FGF12: variants seen among roughly 807,000 people sequenced by gnomAD.
FGF12 encodes fibroblast growth factor 12.
Under a neutral mutation model 23.6 loss-of-function variants are expected in FGF12, and 14 were observed. The observed-to-expected ratio is 0.59, with a 90% CI of 0.39 to 0.93. The LOEUF (loss-of-function observed/expected upper bound fraction) is 0.93, where lower values mean the gene tolerates loss of function less well. Ranked by LOEUF, FGF12 falls within the 40% of genes least tolerant of loss-of-function variation. The pLI is 0.00. For missense variants in FGF12, 175 were observed against 217.8 expected (o/e 0.80, Z 1.24); for synonymous variants, 62 against 77.3 (o/e 0.80, Z 1.04).
At chr3:192,470,270 G>GA (rs1723132591) in intron 2 of FGF12, among the ~76,000 whole-genome samples, 1 of 152,138 alleles carries the variant, frequency 6.6e-6, no homozygotes, top group Admixed American at 6.5e-5. Flanking sequence ...CAGCACTGAA[G>GA]ATATTTTAAT....
intron 2 of FGF12, among the ~76,000 whole-genome samples, chr3:192,501,083 G>C (rs139259074): frequency 2.0e-5 from 3 of 152,070 alleles, no homozygotes; most frequent in Non-Finnish European, 2.9e-5. Flanking sequence ...GATGCAGAGA[G>C]ATAAGTAAAG....
chr3:192,470,935 T>C (rs1407594915), intron 2 of FGF12, among the ~76,000 whole-genome samples: 1 of 152,182 alleles, frequency 6.6e-6, no homozygotes, highest in East Asian at 1.9e-4. Context: ...CGGCTTCTCA[T>C]CAAATGGCAC....
At chr3:192,694,854 G>T (rs776690015) in intron 2 of FGF12, among the ~76,000 whole-genome samples, 16 of 151,964 alleles carry the variant, frequency 1.1e-4, no homozygotes, top group Non-Finnish European at 2.1e-4. Flanking sequence ...AGAGAGGAAT[G>T]CTGGTTACCA....
intron 2 of FGF12, among the ~76,000 whole-genome samples, chr3:192,666,062 G>C (rs527293289): frequency 6.6e-6 from 1 of 152,236 alleles, no homozygotes; most frequent in South Asian, 2.1e-4. Flanking sequence ...TGAAGTAGAA[G>C]AGAGAAAGAT....
chr3:192,624,510 T>A (rs1249010769), intron 2 of FGF12, among the ~76,000 whole-genome samples: 1 of 152,064 alleles, frequency 6.6e-6, no homozygotes, highest in Non-Finnish European at 1.5e-5. Context: ...TAGGTGTTCA[T>A]TTATATTTTT....
At chr3:192,145,361 AT>A (rs1225406898) in intron 5 of FGF12, among the ~76,000 whole-genome samples, 1 of 152,214 alleles carries the variant, frequency 6.6e-6, no homozygotes, top group African/African-American at 2.4e-5. Context: ...CTAAAACAGA[AT>A]TTAGAATACA....
intron 2 of FGF12, among the ~76,000 whole-genome samples, chr3:192,649,567 T>G (rs1258290387): frequency 1.3e-5 from 2 of 152,118 alleles, no homozygotes; most frequent in Admixed American, 6.6e-5. Flanking sequence ...TATTTATTTA[T>G]TATTTTTTAA....
intron 2 of FGF12, among the ~76,000 whole-genome samples, chr3:192,610,315 T>C (rs1324371669): frequency 2.0e-5 from 3 of 152,016 alleles, no homozygotes; most frequent in East Asian, 1.9e-4. Context: ...TTATTGTACA[T>C]TGTCTGCAAT....
chr3:192,465,715 C>G (rs1056378614), intron 2 of FGF12, among the ~76,000 whole-genome samples: 4 of 152,194 alleles, frequency 2.6e-5, no homozygotes, highest in African/African-American at 9.6e-5. Flanking sequence ...CCCCGACCCC[C>G]ACTCCCAAGT....
At chr3:192,670,333 AT>A (rs1244926869) in intron 2 of FGF12, among the ~76,000 whole-genome samples, 1 of 152,126 alleles carries the variant, frequency 6.6e-6, no homozygotes, top group Non-Finnish European at 1.5e-5. Context: ...GTAAATAACT[AT>A]TTTTGCATTC....
At chr3:192,504,341 G>C (rs1560132257) in intron 2 of FGF12, among the ~76,000 whole-genome samples, 1 of 152,020 alleles carries the variant, frequency 6.6e-6, no homozygotes, top group East Asian at 1.9e-4. Flanking sequence ...GAACCTAAAA[G>C]AAAAGTGAAA....
At chr3:192,614,676 A>T (rs1045731607) in intron 2 of FGF12, among the ~76,000 whole-genome samples, 10 of 152,004 alleles carry the variant, frequency 6.6e-5, no homozygotes, top group African/African-American at 2.2e-4. Context: ...AAAAGGAAAC[A>T]TTTCTGAAGG....
intron 2 of FGF12, among the ~76,000 whole-genome samples, chr3:192,525,295 T>A (rs969494433): frequency 3.3e-5 from 5 of 152,128 alleles, no homozygotes; most frequent in East Asian, 1.9e-4. Context: ...TTCAAAAAAA[T>A]AATAATAATA....
intron 3 of FGF12, among the ~76,000 whole-genome samples, chr3:192,350,208 A>G (rs895290385): frequency 1.3e-5 from 2 of 152,166 alleles, no homozygotes; most frequent in Non-Finnish European, 2.9e-5. Context: ...TACAGATGAA[A>G]CAGCATAAAA....
rs1713251465 is a variant in FGF12, at chr3:192,139,574, A to G, written c.*4435T>C. 6.6e-6 allele frequency: 1 copy of G among 152,130 alleles called. No homozygotes were observed. The highest frequency in any genetic ancestry group is 2.4e-5 in the African/African-American group (1 of 41,468). 9.4% of individuals were successfully genotyped at this position (152,130 alleles called of 1,614,324 possible). On this transcript the variant is annotated 3_prime_UTR_variant, in exon 6 of 6. Transcript: ENST00000445105. Reference sequence around the variant, plus strand: ...TGGACTTTTTGAACAATTTTAAGTAAAATGAATGTCACTGTCTTTAAATTG... The same window carrying G: ...TGGACTTTTTGAACAATTTTAAGTAGAATGAATGTCACTGTCTTTAAATTG...
chr3:192,431,665 C>T (rs1040325650), intron 2 of FGF12, among the ~76,000 whole-genome samples: 1 of 152,142 alleles, frequency 6.6e-6, no homozygotes, highest in Non-Finnish European at 1.5e-5. Context: ...AAGTACCAAG[C>T]GTTTCTCCAA....
intron 2 of FGF12, among the ~76,000 whole-genome samples, chr3:192,375,416 G>A (rs1012095412): frequency 4.0e-5 from 6 of 151,676 alleles, no homozygotes; most frequent in Non-Finnish European, 8.8e-5. Context: ...TATTATTTTA[G>A]TAGTAATCCT....
At chr3:192,166,367 T>G (rs1715161974) in intron 5 of FGF12, among the ~76,000 whole-genome samples, 1 of 152,240 alleles carries the variant, frequency 6.6e-6, no homozygotes, top group Admixed American at 6.5e-5. Flanking sequence ...GGGGTAGGGA[T>G]ATATTGCAGA....
chr3:192,415,925 T>G (rs531912300), intron 2 of FGF12, among the ~76,000 whole-genome samples: 1 of 152,168 alleles, frequency 6.6e-6, no homozygotes, highest in East Asian at 1.9e-4. Context: ...CTGTCACCCA[T>G]GTTCACTGAG....
Sources: gnomAD v4.1 joint callset for allele counts (sites outside exome capture counted in the v4.1 genomes callset) on GRCh38, gnomAD v4.1.1 for gene constraint, MANE v1.5 for transcripts, NCBI Gene and HGNC (gene_info 2026-07-23, HGNC 2026-07-21) for gene names.